CPQ: variants seen among roughly 807,000 people sequenced by gnomAD.
The protein encoded by CPQ is Ser-Met dipeptidase.
A neutral mutation model predicts 45.7 loss-of-function variants in CPQ; 37 were observed. The ratio of observed to expected loss-of-function variants is 0.81; its 90% CI spans 0.62 to 1.07. The LOEUF (loss-of-function observed/expected upper bound fraction) is 1.07. CPQ is among the 50% of genes least tolerant of loss of function. CPQ has a pLI of 0.00. For synonymous variants in CPQ, 186 were observed against 205.8 expected (o/e 0.90, Z 0.82); for missense variants, 537 against 572.9 (o/e 0.94, Z 0.64).
chr8:96,868,953 C>T (rs910845033), intron 3 of CPQ, among the ~76,000 whole-genome samples: 1 of 151,784 alleles, frequency 6.6e-6, no homozygotes, highest in African/African-American at 2.4e-5. Flanking sequence ...ATTTTTAGAG[C>T]ATTTTAAAAC....
At chr8:96,782,821 T>A (rs995814534) in intron 1 of CPQ, among the ~76,000 whole-genome samples, 2 of 152,208 alleles carry the variant, frequency 1.3e-5, no homozygotes, top group Admixed American at 6.5e-5. Flanking sequence ...GATATTCTAG[T>A]TTATCACTCT....
Position 97,132,248 on chromosome 8 carries a change from A to C in CPQ, c.1256-10772A>C, listed in dbSNP as rs543635210. Among the ~76,000 whole-genome samples, 22 of 152,268 alleles carry C rather than the reference A, an allele frequency of 1.4e-4. No individual in the cohort carries two copies. The South Asian group carries it at 2.7e-3, about 19-fold the overall frequency. ...GTGTGTGGATTCTCCCTTGTGACCT[A>C]TCTCATATTACTGTGAACCAGCTGG... On this transcript the variant is annotated intron_variant, in intron 7 of 7. Transcript: ENST00000220763.
intron 6 of CPQ, among the ~76,000 whole-genome samples, chr8:97,041,245 A>G (rs1260607695): frequency 1.3e-5 from 2 of 152,142 alleles, no homozygotes; most frequent in Non-Finnish European, 2.9e-5. Flanking sequence ...TCTTTAAAGC[A>G]ATTGTGAATG....
intron 7 of CPQ, among the ~76,000 whole-genome samples, chr8:97,105,517 T>C (rs1321343566): frequency 1.3e-5 from 2 of 152,220 alleles, no homozygotes; most frequent in Non-Finnish European, 1.5e-5. Context: ...ATAATGTTGC[T>C]ATAAACATTG....
intron 6 of CPQ, among the ~76,000 whole-genome samples, chr8:97,049,069 A>C (rs1192479842): frequency 6.6e-6 from 1 of 152,236 alleles, no homozygotes; most frequent in Non-Finnish European, 1.5e-5. Flanking sequence ...TTGAGAATGC[A>C]AATATAATTT....
At chr8:96,972,233 A>C (rs1813691542) in intron 5 of CPQ, among the ~76,000 whole-genome samples, 1 of 152,152 alleles carries the variant, frequency 6.6e-6, no homozygotes, top group Non-Finnish European at 1.5e-5. Flanking sequence ...TGTGACTGCC[A>C]GCTTTCCTCC....
intron 5 of CPQ, among the ~76,000 whole-genome samples, chr8:96,981,946 A>C (rs1813906507): frequency 6.6e-6 from 1 of 152,222 alleles, no homozygotes; most frequent in Non-Finnish European, 1.5e-5. Context: ...TCAGTAAACT[A>C]GATGGTAACA....
intron 1 of CPQ, among the ~76,000 whole-genome samples, chr8:96,666,344 C>G (rs1384079199): frequency 1.3e-5 from 2 of 152,054 alleles, no homozygotes; most frequent in Non-Finnish European, 2.9e-5. Context: ...GAGGGACAGT[C>G]CCTCCTGGTC....
intron 7 of CPQ, among the ~76,000 whole-genome samples, chr8:97,098,305 C>T (rs1434444451): frequency 6.6e-6 from 1 of 152,158 alleles, no homozygotes; most frequent in Non-Finnish European, 1.5e-5. Flanking sequence ...AAGACAGTCT[C>T]TGCCCTCAAG....
chr8:96,838,465 C>G (rs1036395936), intron 3 of CPQ, among the ~76,000 whole-genome samples: 1 of 152,068 alleles, frequency 6.6e-6, no homozygotes, highest in Non-Finnish European at 1.5e-5. Flanking sequence ...TTATCCATAT[C>G]TAGGCCTGGA....
At chr8:96,846,085 TG>T (rs1811685293) in intron 3 of CPQ, among the ~76,000 whole-genome samples, 1 of 152,208 alleles carries the variant, frequency 6.6e-6, no homozygotes, top group Non-Finnish European at 1.5e-5. Context: ...CCCAAAATGC[TG>T]GGATTGCAGG....
chr8:97,005,634 G>A (rs2130431247), intron 5 of CPQ, among the ~76,000 whole-genome samples: 1 of 152,202 alleles, frequency 6.6e-6, no homozygotes, highest in Admixed American at 6.5e-5. Flanking sequence ...AGCGTGAAAG[G>A]TGGCAAGAAA....
intron 7 of CPQ, among the ~76,000 whole-genome samples, chr8:97,104,424 G>A (rs991421508): frequency 1.3e-5 from 2 of 152,138 alleles, no homozygotes; most frequent in African/African-American, 4.8e-5. Context: ...TGACTCTTAG[G>A]ATCTTTTTGG....
intron 3 of CPQ, among the ~76,000 whole-genome samples, chr8:96,835,690 T>C (rs1811520643): frequency 6.6e-6 from 1 of 152,214 alleles, no homozygotes; most frequent in East Asian, 1.9e-4. Context: ...TAGGAATGTT[T>C]CTTAAACTTC....
chr8:96,940,827 A>C (rs953554780), intron 4 of CPQ, among the ~76,000 whole-genome samples: 2 of 152,194 alleles, frequency 1.3e-5, no homozygotes, highest in Non-Finnish European at 2.9e-5. Context: ...TTTAATACTC[A>C]GAGTACCTCA....
chr8:97,110,006 T>C (rs1242806967), intron 7 of CPQ, among the ~76,000 whole-genome samples: 1 of 152,134 alleles, frequency 6.6e-6, no homozygotes, highest in Non-Finnish European at 1.5e-5. Flanking sequence ...TGAGATACAA[T>C]TGACATATGG....
intron 7 of CPQ, among the ~76,000 whole-genome samples, chr8:97,105,147 TA>T (rs1563581488): frequency 6.6e-6 from 1 of 152,258 alleles, no homozygotes; most frequent in Admixed American, 6.5e-5. Context: ...TAGCTTAACC[TA>T]AGTAATGGTC....
intron 4 of CPQ, among the ~76,000 whole-genome samples, chr8:96,919,516 ATATAT>A (rs754918343): frequency 6.6e-6 from 1 of 152,090 alleles, no homozygotes; most frequent in Non-Finnish European, 1.5e-5. Flanking sequence ...AACCTCTGAG[ATATAT>A]TATGTTGCTC....
intron 4 of CPQ, among the ~76,000 whole-genome samples, chr8:96,935,414 G>A (rs1813032235): frequency 6.6e-6 from 1 of 152,122 alleles, no homozygotes; most frequent in African/African-American, 2.4e-5. Context: ...ACTAGGTCAG[G>A]TACCCACCAC....
Sources: allele counts gnomAD v4.1 joint callset (sites outside exome capture counted in the v4.1 genomes callset), GRCh38; gene constraint gnomAD v4.1.1; transcripts MANE v1.5; gene names NCBI Gene and HGNC (gene_info 2026-07-23, HGNC 2026-07-21).